Variants in SGCZ observed in about 807,000 individuals in gnomAD.
The protein encoded by SGCZ is sarcoglycan zeta, also known as zeta-sarcoglycan.
SGCZ carries 40 observed loss-of-function variants against 41.3 expected under a neutral mutation model. The ratio of observed to expected loss-of-function variants is 0.97; its 90% CI spans 0.75 to 1.26. SGCZ has a LOEUF of 1.26. Ranked by LOEUF, SGCZ falls within the 50% of genes most tolerant of loss-of-function variation. SGCZ has a pLI of 0.00. For missense variants in SGCZ, 552 were observed against 369.8 expected, an observed-to-expected ratio of 1.49 and a Z score of -4.04; for synonymous variants, 206 against 137.5, an observed-to-expected ratio of 1.50 and a Z score of -3.49.
chr8:14,918,331 T>G (rs966414719), intron 1 of SGCZ, among the ~76,000 whole-genome samples: 3 of 152,040 alleles, frequency 2.0e-5, no homozygotes, highest in Non-Finnish European at 4.4e-5. Flanking sequence ...TGGTATGAAT[T>G]TAAGAACATT....
chr8:15,142,814 T>C (rs1261689946), intron 1 of SGCZ, among the ~76,000 whole-genome samples: 2 of 152,116 alleles, frequency 1.3e-5, no homozygotes, highest in Non-Finnish European at 2.9e-5. Flanking sequence ...TTTTGCCATG[T>C]TGCCCAGGCT....
At chr8:14,831,623 T>C (rs1227582942) in intron 1 of SGCZ, among the ~76,000 whole-genome samples, 1 of 139,372 alleles carries the variant, frequency 7.2e-6, no homozygotes, top group Non-Finnish European at 1.5e-5. Flanking sequence ...TGTGTACACA[T>C]AGACACATAT....
intron 1 of SGCZ, among the ~76,000 whole-genome samples, chr8:14,668,808 T>TCC (rs1807997626): frequency 6.6e-6 from 1 of 152,138 alleles, no homozygotes; most frequent in Admixed American, 6.5e-5. Flanking sequence ...TTAAAAAATT[T>TCC]GACAAACATA....
At chr8:15,120,751 T>C (rs1004314646) in intron 1 of SGCZ, among the ~76,000 whole-genome samples, 2 of 152,202 alleles carry the variant, frequency 1.3e-5, no homozygotes, top group African/African-American at 4.8e-5. Flanking sequence ...TACTAGATAA[T>C]CACAAAATTT....
chr8:14,641,160 A>G (rs533269661), intron 1 of SGCZ, among the ~76,000 whole-genome samples: 1 of 151,802 alleles, frequency 6.6e-6, no homozygotes, highest in African/African-American at 2.4e-5. Flanking sequence ...CCCAAATCAT[A>G]TCAAAATTGC....
chr8:15,159,930 G>A (rs1051557345), intron 1 of SGCZ, among the ~76,000 whole-genome samples: 8 of 151,700 alleles, frequency 5.3e-5, no homozygotes, highest in African/African-American at 1.9e-4. Context: ...CACTTAGGGG[G>A]AAAAAGGAAG....
intron 2 of SGCZ, among the ~76,000 whole-genome samples, chr8:14,384,815 T>G (rs1398877368): frequency 1.3e-5 from 2 of 152,188 alleles, no homozygotes; most frequent in Admixed American, 1.3e-4. Context: ...CTTCCCAGAG[T>G]GCTAGGGTTA....
chr8:14,849,041 A>T (rs1013739544), intron 1 of SGCZ, among the ~76,000 whole-genome samples: 3 of 152,188 alleles, frequency 2.0e-5, no homozygotes, highest in South Asian at 2.1e-4. Context: ...TGTTCACCAA[A>T]TAAGGTATAT....
chr8:15,169,712 G>A (rs995972638), intron 1 of SGCZ, among the ~76,000 whole-genome samples: 4 of 152,140 alleles, frequency 2.6e-5, no homozygotes, highest in African/African-American at 9.7e-5. Flanking sequence ...CTCATTTCCT[G>A]TATCTTCACA....
At chr8:14,448,111 G>A (rs901256932) in intron 2 of SGCZ, among the ~76,000 whole-genome samples, 2 of 152,108 alleles carry the variant, frequency 1.3e-5, no homozygotes, top group African/African-American at 4.8e-5. Context: ...TAACAATTAG[G>A]AGACAGGAGA....
intron 1 of SGCZ, among the ~76,000 whole-genome samples, chr8:14,899,810 T>A: frequency 6.8e-6 from 1 of 146,492 alleles, no homozygotes; most frequent in Non-Finnish European, 1.5e-5. Flanking sequence ...GGGAGAAAAG[T>A]GAAAAGAAAG....
intron 1 of SGCZ, among the ~76,000 whole-genome samples, chr8:14,908,695 A>T (rs1011660076): frequency 7.1e-6 from 1 of 141,280 alleles, no homozygotes; most frequent in Non-Finnish European, 1.5e-5. Context: ...GCTTGCAGTG[A>T]GCCGAGATCG....
At chr8:14,291,856 T>C (rs750330431) in intron 3 of SGCZ, among the ~76,000 whole-genome samples, 9 of 152,008 alleles carry the variant, frequency 5.9e-5, no homozygotes, top group Non-Finnish European at 5.9e-5. Flanking sequence ...CTATCTTTGC[T>C]GGGCTTCTTC....
At chr8:14,135,801 A>C (rs1034052514) in intron 5 of SGCZ, among the ~76,000 whole-genome samples, 1 of 152,186 alleles carries the variant, frequency 6.6e-6, no homozygotes, top group Non-Finnish European at 1.5e-5. Context: ...TTTTATACTA[A>C]CTAGTTTTAT....
At chr8:15,108,279 T>C (rs1806910097) in intron 1 of SGCZ, among the ~76,000 whole-genome samples, 1 of 152,200 alleles carries the variant, frequency 6.6e-6, no homozygotes, top group Non-Finnish European at 1.5e-5. Context: ...TTATTTTTTT[T>C]AGGACAGTAC....
intron 1 of SGCZ, among the ~76,000 whole-genome samples, chr8:14,856,753 C>G (rs1333212977): frequency 6.6e-6 from 1 of 152,056 alleles, no homozygotes. Context: ...TCTGAAATAG[C>G]CAGGTTTTAC....
intron 1 of SGCZ, among the ~76,000 whole-genome samples, chr8:14,682,502 A>G (rs771884441): frequency 2.0e-5 from 3 of 148,744 alleles, no homozygotes; most frequent in Non-Finnish European, 4.4e-5. Flanking sequence ...TGGTGCAATC[A>G]CGGCTCACTG....
intron 2 of SGCZ, among the ~76,000 whole-genome samples, chr8:14,471,280 A>G (rs147576382): frequency 1.2e-4 from 18 of 152,274 alleles, no homozygotes; most frequent in East Asian, 5.8e-4. Context: ...TCATTATCAC[A>G]TAATAGTGAA....
At chr8:14,456,837 T>C (rs76186723) in intron 2 of SGCZ, among the ~76,000 whole-genome samples, 3,481 of 152,276 alleles carry the variant, frequency 0.023, 135 homozygotes, top group African/African-American at 0.077. Context: ...GTCTTTGTGA[T>C]AGTGACTGAG....
Sources: gnomAD v4.1 joint callset for allele counts (sites outside exome capture counted in the v4.1 genomes callset) on GRCh38, gnomAD v4.1.1 for gene constraint, MANE v1.5 for transcripts, NCBI Gene and HGNC (gene_info 2026-07-23, HGNC 2026-07-21) for gene names.